IGF2BP2: variants seen among roughly 807,000 people sequenced by gnomAD.
The protein encoded by IGF2BP2 is insulin-like growth factor 2 mRNA-binding protein 2.
In IGF2BP2, 17 loss-of-function variants were observed where a neutral mutation model predicts 75.8. That is an observed-to-expected ratio of 0.22 (90% CI 0.15 to 0.34). The LOEUF is 0.34. Ranked by LOEUF, IGF2BP2 falls within the 10% of genes least tolerant of loss-of-function variation. The pLI, the probability that IGF2BP2 is intolerant of heterozygous loss-of-function variation, is 1.00. For missense variants in IGF2BP2, 516 were observed against 772.4 expected (o/e 0.67, Z 3.93); for synonymous variants, 288 against 295.6 (o/e 0.97, Z 0.26).
chr3:185,658,308 T>G (rs1249797623), intron 11 of IGF2BP2, 33 bp downstream of exon 11: 1 of 1,598,014 alleles, frequency 6.3e-7, no homozygotes, highest in African/African-American at 1.3e-5. Context: ...CCAGGAGAAG[T>G]GGCAGGTGCG....
In IGF2BP2 at chr3:185,672,643, C is replaced by A. The variant is rs1718703916; in HGVS notation, c.1098G>T (p.Leu366Phe). The A allele has an allele frequency of 6.2e-7, 1 of 1,614,000 alleles. No homozygotes were observed. The highest frequency in any genetic ancestry group is 1.3e-5 in the African/African-American group (1 of 74,914). ...VNQQANLIPG[L>F]NLSALGIFST... ...AAAAGATGCCAAGTGCGCTGAGGTT[C>A]AACCCTGGGATCAGATTGGCTTGTT... Residue 366 changes from leucine to phenylalanine, a missense_variant, in exon 10 of 16, where the codon TTG becomes TTT. Transcript: ENST00000382199.
chr3:185,694,956 G>A (rs1481332236), intron 4 of IGF2BP2, among the ~76,000 whole-genome samples: 6 of 152,048 alleles, frequency 3.9e-5, no homozygotes, highest in African/African-American at 9.7e-5. Flanking sequence ...GCATGGTGGC[G>A]CTCACCTATA....
chr3:185,764,325 T>C (rs1732770996), intron 2 of IGF2BP2, among the ~76,000 whole-genome samples: 1 of 152,166 alleles, frequency 6.6e-6, no homozygotes, highest in Non-Finnish European at 1.5e-5. Context: ...ATCAGGGCTA[T>C]GCTTTAGGAG....
intron 2 of IGF2BP2, among the ~76,000 whole-genome samples, chr3:185,819,531 A>G (rs1006305005): frequency 6.6e-6 from 1 of 152,104 alleles, no homozygotes; most frequent in Non-Finnish European, 1.5e-5. Context: ...TTGAGGTTAC[A>G]ATATGCAACT....
chr3:185,682,918 T>C (rs1720595339), intron 7 of IGF2BP2, among the ~76,000 whole-genome samples: 1 of 152,104 alleles, frequency 6.6e-6, no homozygotes, highest in Admixed American at 6.5e-5. Context: ...AACTACCATA[T>C]GACCCAGCAA....
chr3:185,809,923 T>C (rs1013725567), intron 2 of IGF2BP2, among the ~76,000 whole-genome samples: 1 of 152,194 alleles, frequency 6.6e-6, no homozygotes, highest in East Asian at 1.9e-4. Flanking sequence ...CTCATGGAAC[T>C]TCAAATTTTT....
Position 185,687,048 on chromosome 3 carries a change from C to G in IGF2BP2, c.812+9G>C. ...TGTTGAGTGATCTGGGCATTGCATG[C>G]AAACTTACAGTTTGGTCTCATCTGC... On this transcript the variant is annotated intron_variant, in intron 7 of 15. Transcript: ENST00000382199. 6.2e-7 allele frequency: 1 copy of G among 1,611,154 alleles called. No individual in the cohort carries two copies. Among genetic ancestry groups the G allele is most frequent in the South Asian group, 1.1e-5 (1 of 90,682 alleles).
At chr3:185,730,021 G>A (rs1185780908) in intron 2 of IGF2BP2, among the ~76,000 whole-genome samples, 1 of 152,170 alleles carries the variant, frequency 6.6e-6, no homozygotes, top group Non-Finnish European at 1.5e-5. Flanking sequence ...GTGCAGGTTT[G>A]TTACGTGGAT....
intron 2 of IGF2BP2, among the ~76,000 whole-genome samples, chr3:185,762,473 C>T (rs1350849499): frequency 6.9e-6 from 1 of 144,274 alleles, no homozygotes; most frequent in African/African-American, 2.6e-5. Flanking sequence ...GTGGAGGTTG[C>T]AGTGAGACAA....
chr3:185,779,345 C>T lies in IGF2BP2; in HGVS notation c.239+43808G>A, dbSNP rs544028763. ...TCTGCACAAAAGTAGAGACATACAACAGATCTACAGCACCCTTCACCCAGT... is the reference window on the plus strand; with the variant it reads ...TCTGCACAAAAGTAGAGACATACAATAGATCTACAGCACCCTTCACCCAGT... On this transcript the variant is annotated intron_variant, in intron 2 of 15. Coordinates refer to ENST00000382199, the MANE Select transcript of IGF2BP2 (RefSeq NM_006548.6). 9.9e-5 allele frequency among the ~76,000 whole-genome samples: 15 copies of T among 152,236 alleles called. No individual in the cohort carries two copies. In the South Asian group the frequency reaches 3.1e-3, roughly 32 times the overall value.
intron 2 of IGF2BP2, among the ~76,000 whole-genome samples, chr3:185,714,677 G>C (rs895609641): frequency 2.6e-5 from 4 of 152,154 alleles, no homozygotes; most frequent in African/African-American, 9.7e-5. Flanking sequence ...GTTAGGTGCA[G>C]TGGCTCACAC....
rs1350999524 is a variant in IGF2BP2, at chr3:185,647,243, G to C, written c.1594-105C>G. The C allele has an allele frequency of 3.6e-6, 3 of 825,100 alleles. No homozygotes were observed. The highest frequency in any genetic ancestry group is 6.3e-6 in the Non-Finnish European group (3 of 473,026). 51.1% of individuals were successfully genotyped at this position (825,100 alleles called of 1,614,324 possible). ...AAGAGGTGGAGCAGGGGAAGGAGGGGGGCTGGACTCTGCTCTCCTTTCCTT... is the reference window on the plus strand; with the variant it reads ...AAGAGGTGGAGCAGGGGAAGGAGGGCGGCTGGACTCTGCTCTCCTTTCCTT... On this transcript the variant is annotated intron_variant, in intron 14 of 15. Coordinates refer to ENST00000382199, the MANE Select transcript of IGF2BP2 (RefSeq NM_006548.6). This position sits in a 1 kb window ranked among gnomAD's most constrained non-coding sequence, Gnocchi z 4.9.
At chr3:185,677,418 G>A (rs188965514) in intron 7 of IGF2BP2, among the ~76,000 whole-genome samples, 2 of 152,070 alleles carry the variant, frequency 1.3e-5, no homozygotes, top group East Asian at 3.9e-4. Flanking sequence ...CAAGAGATTA[G>A]AAAAGGTTTG....
At chr3:185,713,372 G>A in intron 2 of IGF2BP2, 1 of 519,230 alleles carries the variant, frequency 1.9e-6, no homozygotes. Flanking sequence ...AGCAGGTGAG[G>A]AAAACTTAAG....
chr3:185,808,055 G>A (rs1739259117), intron 2 of IGF2BP2, among the ~76,000 whole-genome samples: 1 of 150,200 alleles, frequency 6.7e-6, no homozygotes, highest in Admixed American at 6.7e-5. Context: ...TGAGGTAGGA[G>A]AATAGCTTGA....
chr3:185,779,552 T>G (rs1734944188), intron 2 of IGF2BP2, among the ~76,000 whole-genome samples: 1 of 152,168 alleles, frequency 6.6e-6, no homozygotes, highest in Non-Finnish European at 1.5e-5. Context: ...TGCTAAAAAA[T>G]GAACTGGAGC....
chr3:185,823,326 G>A lies in IGF2BP2; in HGVS notation c.179-113C>T, dbSNP rs1741608046. On this transcript the variant is annotated intron_variant, in intron 1 of 15. Coordinates refer to ENST00000382199, the MANE Select transcript of IGF2BP2 (RefSeq NM_006548.6). ...GGGCTCCGCCTTCGGGCGCCCCCAA[G>A]GGGTCTCCTACCCGGATCGAGCTGG... The A allele has an allele frequency of 5.8e-5, 41 of 706,624 alleles. 1 individual carries two copies. The East Asian group carries it at 1.2e-3, about 21-fold the overall frequency. 43.8% of individuals were successfully genotyped at this position (706,624 alleles called of 1,614,324 possible).
intron 7 of IGF2BP2, among the ~76,000 whole-genome samples, chr3:185,685,253 CAGG>C (rs1249069311): frequency 2.0e-5 from 3 of 151,406 alleles, no homozygotes; most frequent in Non-Finnish European, 2.9e-5. Context: ...GAGGCTGAGG[CAGG>C]AGAATTGCTT....
At chr3:185,657,094 T>C (rs1193219534) in intron 12 of IGF2BP2, among the ~76,000 whole-genome samples, 192 bp downstream of exon 12, 1 of 152,150 alleles carries the variant, frequency 6.6e-6, no homozygotes, top group Non-Finnish European at 1.5e-5. Context: ...AATTCAGTGG[T>C]TAGCTGAACA....
Sources: gnomAD v4.1 joint callset for allele counts (sites outside exome capture counted in the v4.1 genomes callset) on GRCh38, gnomAD v4.1.1 for gene constraint, Gnocchi (gnomAD v3.1) non-coding constraint, MANE v1.5 for transcripts, NCBI Gene and HGNC (gene_info 2026-07-23, HGNC 2026-07-21) for gene names.